Variants in PRTFDC1 observed in about 807,000 individuals in gnomAD.
PRTFDC1 encodes phosphoribosyl transferase domain containing 1.
Under a neutral mutation model 34.6 loss-of-function variants are expected in PRTFDC1, and 38 were observed. The observed-to-expected ratio is 1.10, with a 90% confidence interval of 0.85 to 1.44. The LOEUF is 1.44. Ranked by LOEUF, PRTFDC1 falls within the 40% of genes most tolerant of loss-of-function variation. PRTFDC1 has a pLI of 0.00. For synonymous variants in PRTFDC1, 93 were observed against 98.1 expected (o/e 0.95, Z 0.31); for missense variants, 270 against 283.0 (o/e 0.95, Z 0.33).
chr10:24,937,371 AAAG>A lies in PRTFDC1; in HGVS notation c.156-7_156-5del. 5 of 1,603,536 alleles carry A rather than the reference AAAG, an allele frequency of 3.1e-6. No homozygotes were observed. The South Asian group carries it at 3.4e-5, about 11-fold the overall frequency. ...ATCCTTGGCCAGCCGCTCAATTCTGAAAGAAGGATAAAAGATATATTAAGGCAC... is the reference window on the plus strand; with the variant it reads ...ATCCTTGGCCAGCCGCTCAATTCTGAAAGGATAAAAGATATATTAAGGCAC... On this transcript the variant is annotated splice_polypyrimidine_tract_variant and splice_region_variant and intron_variant, in intron 2 of 8. Coordinates refer to ENST00000320152, the MANE Select transcript of PRTFDC1 (RefSeq NM_020200.7).
rs560287226 is a variant in PRTFDC1 at position 24,903,325 on chromosome 10, G to A, written c.340-31262C>T. ...TATTAGGCATCCCCTATAAAGTGAA[G>A]ACTAATAAAGCCAACGATTGGTAAT... On this transcript the variant is annotated intron_variant, in intron 3 of 8. Transcript: ENST00000320152. 4.7e-4 allele frequency among the ~76,000 whole-genome samples: 72 copies of A among 152,262 alleles called. 1 individual carries two copies. In the South Asian group the frequency reaches 0.014, roughly 31 times the overall value.
At chr10:24,908,514 CTG>C in intron 3 of PRTFDC1, 1 of 1,612,510 alleles carries the variant, frequency 6.2e-7, no homozygotes, top group Non-Finnish European at 8.5e-7. Flanking sequence ...TAATTCTGCT[CTG>C]ATCTTGGTAA....
At position 24,849,661 on chromosome 10, in the gene PRTFDC1, C is replaced by T. The variant is rs1023000469; in HGVS notation, c.*183G>A. ...TCAAATAAAAGCACTGCTTTCTTTT[C>T]CTTAGGAACCTTTGATACTCTTTAT... On this transcript the variant is annotated 3_prime_UTR_variant, in exon 9 of 9. Coordinates refer to ENST00000320152, the MANE Select transcript of PRTFDC1 (RefSeq NM_020200.7). 1.8e-6 allele frequency: 1 copy of T among 554,780 alleles called. No homozygotes were observed. 34.4% of individuals were successfully genotyped at this position (554,780 alleles called of 1,614,324 possible).
chr10:24,875,244 T>C (rs1217334767), intron 3 of PRTFDC1, among the ~76,000 whole-genome samples: 1 of 152,242 alleles, frequency 6.6e-6, no homozygotes, highest in African/African-American at 2.4e-5. Flanking sequence ...ACTTCAGATA[T>C]TTATCATTTC....
chr10:24,947,588 G>A (rs79620371), intron 1 of PRTFDC1, among the ~76,000 whole-genome samples: 2,573 of 152,066 alleles, frequency 0.017, 63 homozygotes, highest in African/African-American at 0.059. Flanking sequence ...TCTCTTTTTC[G>A]CACTGAAGAT....
chr10:24,923,747 C>T (rs1848827863), intron 3 of PRTFDC1, among the ~76,000 whole-genome samples: 1 of 152,148 alleles, frequency 6.6e-6, no homozygotes, highest in African/African-American at 2.4e-5. Flanking sequence ...TTCTTCTCCT[C>T]CAAAGGATCG....
chr10:24,872,850 C>A (rs1847901227), intron 3 of PRTFDC1, among the ~76,000 whole-genome samples: 1 of 134,798 alleles, frequency 7.4e-6, no homozygotes, highest in Non-Finnish European at 1.5e-5. Context: ...CACTTTTGGC[C>A]AGGCTGAAGT....
intron 3 of PRTFDC1, among the ~76,000 whole-genome samples, chr10:24,887,227 C>T (rs920735399): frequency 2.0e-5 from 3 of 151,982 alleles, no homozygotes; most frequent in Non-Finnish European, 2.9e-5. Context: ...GCCTCGGCCT[C>T]CCAAAGTGCT....
intron 3 of PRTFDC1, among the ~76,000 whole-genome samples, chr10:24,887,037 C>T (rs1380014832): frequency 1.3e-4 from 19 of 144,078 alleles, no homozygotes; most frequent in African/African-American, 4.6e-4. Context: ...GTGGCGCAAT[C>T]TCGGCTCACT....
At chr10:24,902,173 G>A (rs989769454) in intron 3 of PRTFDC1, among the ~76,000 whole-genome samples, 1 of 152,146 alleles carries the variant, frequency 6.6e-6, no homozygotes, top group Non-Finnish European at 1.5e-5. Flanking sequence ...ATTGCTGGAT[G>A]GAGGAGGGAG....
chr10:24,868,753 A>T (rs1847827720), intron 4 of PRTFDC1, among the ~76,000 whole-genome samples: 1 of 151,680 alleles, frequency 6.6e-6, no homozygotes, highest in Non-Finnish European at 1.5e-5. Flanking sequence ...TACACCCATT[A>T]AAACAAGTAC....
intron 4 of PRTFDC1, among the ~76,000 whole-genome samples, chr10:24,868,658 A>G (rs955163459): frequency 1.3e-5 from 2 of 152,098 alleles, no homozygotes; most frequent in Non-Finnish European, 2.9e-5. Context: ...CAGTCTCACT[A>G]TGTTGCCCAG....
intron 3 of PRTFDC1, chr10:24,908,577 A>T (rs1375193352): frequency 1.9e-6 from 3 of 1,612,874 alleles, no homozygotes; most frequent in Non-Finnish European, 1.7e-6. Context: ...TAACCTCTCC[A>T]GAGGGTATTT....
intron 3 of PRTFDC1, among the ~76,000 whole-genome samples, chr10:24,881,343 C>T (rs1848077649): frequency 6.6e-6 from 1 of 152,072 alleles, no homozygotes; most frequent in Non-Finnish European, 1.5e-5. Context: ...GCACCTGGCC[C>T]CACTTTGCTG....
At chr10:24,934,248 GAGAAGAAGAAGA>G (rs200367106) in intron 3 of PRTFDC1, among the ~76,000 whole-genome samples, 118 of 97,322 alleles carry the variant, frequency 1.2e-3, no homozygotes, top group African/African-American at 3.0e-3. Flanking sequence ...GAAGAAGAAG[GAGAAGAAGAAGA>G]AGAAGAAGAA....
chr10:24,878,898 C>T (rs797000093), intron 3 of PRTFDC1, among the ~76,000 whole-genome samples: 7 of 152,314 alleles, frequency 4.6e-5, no homozygotes, highest in African/African-American at 1.4e-4. Flanking sequence ...CAATATTCTC[C>T]GCCCCCACAG....
At chr10:24,893,598 G>A (rs1848300835) in intron 3 of PRTFDC1, among the ~76,000 whole-genome samples, 1 of 152,150 alleles carries the variant, frequency 6.6e-6, no homozygotes, top group Non-Finnish European at 1.5e-5. Flanking sequence ...GAGGGCCACT[G>A]TGCCCAGCTT....
At chr10:24,894,114 G>A (rs919530586) in intron 3 of PRTFDC1, among the ~76,000 whole-genome samples, 3 of 152,134 alleles carry the variant, frequency 2.0e-5, no homozygotes, top group Admixed American at 6.5e-5. Context: ...GGGGGACCAC[G>A]AGGTCAGGAG....
intron 4 of PRTFDC1, 145 bp from the exon 5 acceptor site, chr10:24,858,554 T>G: frequency 1.3e-6 from 1 of 761,220 alleles, no homozygotes; most frequent in South Asian, 1.8e-5. Context: ...CTAGAGGTGA[T>G]CTAGGTTTTC....
Sources: allele counts gnomAD v4.1 joint callset (sites outside exome capture counted in the v4.1 genomes callset), GRCh38; gene constraint gnomAD v4.1.1; transcripts MANE v1.5; gene names NCBI Gene and HGNC (gene_info 2026-07-23, HGNC 2026-07-21).